Variants in RAB3D observed in about 807,000 individuals in gnomAD.
The protein encoded by RAB3D is ras-related protein Rab-3D.
RAB3D carries 17 observed loss-of-function variants against 19.3 expected under a neutral mutation model. That is an observed-to-expected ratio of 0.88 (90% CI 0.60 to 1.32). The LOEUF (loss-of-function observed/expected upper bound fraction) is 1.32, where lower values mean the gene tolerates loss of function less well. RAB3D is among the 40% of genes most tolerant of loss of function. The probability of loss-of-function intolerance (pLI) is 0.00; values close to 1 mark genes in which losing one functional copy is unlikely to be tolerated. For missense variants in RAB3D, 223 were observed against 299.1 expected (o/e 0.75, Z 1.88); for synonymous variants, 103 against 119.9 (o/e 0.86, Z 0.92).
At chr19:11,337,881 C>A (rs1303232592) in intron 1 of RAB3D, among the ~76,000 whole-genome samples, 1 of 152,032 alleles carries the variant, frequency 6.6e-6, no homozygotes, top group Non-Finnish European at 1.5e-5. Context: ...TTATGTTGCC[C>A]ATGCTGGTTT....
At chr19:11,337,507 G>A (rs1966907981) in intron 1 of RAB3D, 47 bp from the exon 2 acceptor site, 2 of 872,848 alleles carry the variant, frequency 2.3e-6, no homozygotes, top group African/African-American at 1.6e-5. Context: ...AATGCACCAG[G>A]CCTGGATTCA....
At chr19:11,329,428 T>C (rs1022024301) in intron 4 of RAB3D, among the ~76,000 whole-genome samples, 2 of 151,486 alleles carry the variant, frequency 1.3e-5, no homozygotes, top group Non-Finnish European at 2.9e-5. Flanking sequence ...ACCAACATGG[T>C]GAAACCCCAT....
intron 4 of RAB3D, among the ~76,000 whole-genome samples, chr19:11,332,762 C>T (rs987319514): frequency 2.0e-5 from 3 of 152,050 alleles, no homozygotes; most frequent in African/African-American, 7.3e-5. Context: ...ATTACAAGCA[C>T]ATGCCACCAT....
chr19:11,337,284 A>G lies in RAB3D; in HGVS notation c.116T>C (p.Leu39Pro), dbSNP rs762942757. ...GAAGGAGTCGTCCGCGTATCGGAAC[A>G]GGAAGGAAGTCTTGCCCACACTGCT... ...GNSSVGKTSF[L>P]FRYADDSFTP... is the part of the protein sequence containing the mutation. Residue 39 changes from leucine to proline, a missense_variant, in exon 2 of 5, where the codon CTG becomes CCG. Transcript: ENST00000222120. The G allele has an allele frequency of 1.2e-6, 2 of 1,614,172 alleles. No homozygotes were observed. Among genetic ancestry groups the G allele is most frequent in the Admixed American group, 1.7e-5 (1 of 60,008 alleles).
At chr19:11,328,642 T>G (rs2080824845) in intron 4 of RAB3D, among the ~76,000 whole-genome samples, 2 of 151,548 alleles carry the variant, frequency 1.3e-5, no homozygotes, top group Non-Finnish European at 2.9e-5. Context: ...CAAGACTCCA[T>G]CTCTAAATAA....
chr19:11,326,279 G>C (rs2080812467), intron 4 of RAB3D, among the ~76,000 whole-genome samples: 1 of 151,872 alleles, frequency 6.6e-6, no homozygotes, highest in Non-Finnish European at 1.5e-5. Flanking sequence ...TACTCGGAAG[G>C]TTAAGGCAGG....
At chr19:11,335,835 C>T (rs779486558) in intron 2 of RAB3D, 52 bp from the exon 3 acceptor site, 4 of 1,545,470 alleles carry the variant, frequency 2.6e-6, no homozygotes, top group Non-Finnish European at 2.7e-6. Context: ...TCCCAGTCCA[C>T]CCCTGTCTTA....
At chr19:11,327,025 CCACGTTA>C (rs1341286391) in intron 4 of RAB3D, 3 of 472,818 alleles carry the variant, frequency 6.3e-6, no homozygotes, top group African/African-American at 6.1e-5. Flanking sequence ...CAAACGCCTG[CCACGTTA>C]CACGTGGCCA....
rs763088641 is a variant in RAB3D, at chr19:11,335,582, A to G, written c.348-11T>C. 6.2e-7 allele frequency: 1 copy of G among 1,614,006 alleles called. No homozygotes were observed. Among genetic ancestry groups the G allele is most frequent in the East Asian group, 2.2e-5 (1 of 44,882 alleles). On this transcript the variant is annotated splice_polypyrimidine_tract_variant and intron_variant, in intron 3 of 4. Coordinates refer to ENST00000222120, the MANE Select transcript of RAB3D (RefSeq NM_004283.4). The stretch of plus-strand genomic sequence containing the variant: ...TTGATTTGCGTGGCCCTGCAGAGTT[A>G]CCAGTGGTGAGCCATGAGCCGGGGG...
In RAB3D at chr19:11,322,433, G is replaced by C. The variant is rs1239715344; in HGVS notation, c.*2965C>G. 1 of 152,054 alleles carries C rather than the reference G, an allele frequency of 6.6e-6. No homozygotes were observed. The highest frequency in any genetic ancestry group is 1.5e-5 in the Non-Finnish European group (1 of 68,024). 9.4% of individuals were successfully genotyped at this position (152,054 alleles called of 1,614,324 possible). On this transcript the variant is annotated 3_prime_UTR_variant, in exon 5 of 5. Coordinates refer to ENST00000222120, the MANE Select transcript of RAB3D (RefSeq NM_004283.4). ...AACTGCCCATGTAAAATAAACACAA[G>C]CTGCTAAAAGTGAATGTTAAGAAGG...
chr19:11,322,229 C>G lies in RAB3D; in HGVS notation c.*3169G>C, dbSNP rs1260370144. 1 of 151,974 alleles carries G rather than the reference C, an allele frequency of 6.6e-6. No homozygotes were observed. Among genetic ancestry groups the G allele is most frequent in the African/African-American group, 2.4e-5 (1 of 41,370 alleles). 9.4% of individuals were successfully genotyped at this position (151,974 alleles called of 1,614,324 possible). ...AGAATCATCAGGGAGGAGCCGGTAGCAGAATTATCCCGTTAACACTGAGAC... is the reference window on the plus strand; with the variant it reads ...AGAATCATCAGGGAGGAGCCGGTAGGAGAATTATCCCGTTAACACTGAGAC... On this transcript the variant is annotated 3_prime_UTR_variant, in exon 5 of 5. Coordinates refer to ENST00000222120, the MANE Select transcript of RAB3D (RefSeq NM_004283.4).
In RAB3D at chr19:11,335,463, C is replaced by A; in HGVS notation, c.456G>T (p.Arg152Ser). 1 of 1,614,160 alleles carries A rather than the reference C, an allele frequency of 6.2e-7. No homozygotes were observed. Among genetic ancestry groups the A allele is most frequent in the Non-Finnish European group, 8.5e-7 (1 of 1,180,028 alleles). ...GGCACTAACCAAGGTCGTCGGCGAG[C>A]CTCCGGCCATCCTCAGCAGGCACAA... Reference protein sequence around the residue: ...ERVVPAEDGRRLADDLGFEFF... With the variant: ...ERVVPAEDGRSLADDLGFEFF... Residue 152 changes from arginine to serine, a missense_variant, in exon 4 of 5, where the codon AGG (arginine) becomes AGT (serine). Physicochemically the swap from Arg to Ser is moderately radical, Grantham distance 110 (BLOSUM62 -1). Coordinates refer to ENST00000222120, the MANE Select transcript of RAB3D (RefSeq NM_004283.4).
chr19:11,334,647 A>T (rs945217453), intron 4 of RAB3D, among the ~76,000 whole-genome samples: 1 of 152,136 alleles, frequency 6.6e-6, no homozygotes, highest in Non-Finnish European at 1.5e-5. Flanking sequence ...AAAAAAGGCC[A>T]GGCATGGTGC....
rs1228352780 is a variant in RAB3D at position 11,324,665 on chromosome 19, TGTG to T, written c.*730_*732del. 1 of 152,560 alleles carries T rather than the reference TGTG, an allele frequency of 6.6e-6. No homozygotes were observed. Among genetic ancestry groups the T allele is most frequent in the East Asian group, 1.9e-4 (1 of 5,190 alleles). 9.5% of individuals were successfully genotyped at this position (152,560 alleles called of 1,614,324 possible). On this transcript the variant is annotated 3_prime_UTR_variant, in exon 5 of 5. Transcript: ENST00000222120. The stretch of plus-strand genomic sequence containing the variant: ...CCAGAATTCACTTCAGGATCAGAGA[TGTG>T]GTGAACACAGCAAAAACAGTGGCAG...
At chr19:11,326,960 T>C in intron 4 of RAB3D, 1 of 492,168 alleles carries the variant, frequency 2.0e-6, no homozygotes, top group South Asian at 3.1e-5. Context: ...GAGCTGTCCC[T>C]GAATCTCCAT....
chr19:11,334,726 C>T (rs1188751081), intron 4 of RAB3D, among the ~76,000 whole-genome samples: 1 of 152,186 alleles, frequency 6.6e-6, no homozygotes, highest in Non-Finnish European at 1.5e-5. Context: ...AGATGGAGAC[C>T]ATCCTGGCTA....
At chr19:11,326,652 G>A (rs1012630533) in intron 4 of RAB3D, 22 of 541,746 alleles carry the variant, frequency 4.1e-5, no homozygotes, top group Admixed American at 3.1e-4. Context: ...TGCCCAGGCC[G>A]GGGTGTAGTG....
rs200753789 is a variant in RAB3D at position 11,325,359 on chromosome 19, G to C, written c.*39C>G. 1 of 1,369,666 alleles carries C rather than the reference G, an allele frequency of 7.3e-7. No homozygotes were observed. Among genetic ancestry groups the C allele is most frequent in the African/African-American group, 1.4e-5 (1 of 69,416 alleles). 84.8% of individuals were successfully genotyped at this position (1,369,666 alleles called of 1,614,324 possible). A position where few individuals can be genotyped will look rare whatever the true frequency, so the allele number is the denominator to read the frequency against. On this transcript the variant is annotated 3_prime_UTR_variant, in exon 5 of 5. Coordinates refer to ENST00000222120, the MANE Select transcript of RAB3D (RefSeq NM_004283.4). ...TCACGCCTCGATCACAGTCCCTGCC[G>C]AGGCAGGAGAGGGGTGGGTGGGGGG... is the stretch of plus-strand genomic sequence containing the variant.
intron 4 of RAB3D, among the ~76,000 whole-genome samples, chr19:11,329,411 C>T (rs1343483487): frequency 6.6e-6 from 1 of 151,470 alleles, no homozygotes; most frequent in Admixed American, 6.6e-5. Context: ...AGTTTGATAC[C>T]AGCCTGACCA....
Sources: gnomAD v4.1 joint callset for allele counts (sites outside exome capture counted in the v4.1 genomes callset) on GRCh38, gnomAD v4.1.1 for gene constraint, MANE v1.5 for transcripts, NCBI Gene and HGNC (gene_info 2026-07-23, HGNC 2026-07-21) for gene names.